The following G6PC3 variants were observed in gnomAD, a reference collection of about 807,000 sequenced individuals.
G6PC3 encodes the protein glucose-6-phosphatase catalytic subunit 3.
Under a neutral mutation model 38.6 loss-of-function variants are expected in G6PC3, and 30 were observed. That is an observed-to-expected ratio of 0.78 (90% CI 0.58 to 1.05). The LOEUF (loss-of-function observed/expected upper bound fraction) is 1.05. Ranked by LOEUF, G6PC3 falls within the 50% of genes least tolerant of loss-of-function variation. The pLI, the probability that G6PC3 is intolerant of heterozygous loss-of-function variation, is 0.00. For missense variants in G6PC3, 377 were observed against 443.1 expected (o/e 0.85, Z 1.34); for synonymous variants, 192 against 178.1 (o/e 1.08, Z -0.62).
At position 44,070,903 on chromosome 17, in the gene G6PC3, C is replaced by T. The variant is rs1275594632; in HGVS notation, c.-63C>T. On this transcript the variant is annotated 5_prime_UTR_variant, in exon 1 of 6. Coordinates refer to ENST00000269097, the MANE Select transcript of G6PC3 (RefSeq NM_138387.4). ...GGAGATCAGAGGGTCGACGCTGCTT[C>T]GTTGCCTGGACTCTGGTTTCCGCCC... 2 of 1,529,968 alleles carry T rather than the reference C, an allele frequency of 1.3e-6. No individual in the cohort carries two copies. Among genetic ancestry groups the T allele is most frequent in the Non-Finnish European group, 1.8e-6 (2 of 1,139,130 alleles). The allele number at this position is 1,529,968 out of a possible 1,614,324, so 94.8% of individuals were successfully genotyped here.
chr17:44,070,782 T>A lies in G6PC3; in HGVS notation c.-184T>A. On this transcript the variant is annotated 5_prime_UTR_variant, in exon 1 of 6. Transcript: ENST00000269097. Reference sequence around the variant, plus strand: ...GAGCGCAGGAGGAAACAGTACCGGCTGGAGGCCGGTCTTGCAGGAGCGGGG... The same window carrying A: ...GAGCGCAGGAGGAAACAGTACCGGCAGGAGGCCGGTCTTGCAGGAGCGGGG... 1.4e-6 allele frequency: 1 copy of A among 692,350 alleles called. No homozygotes were observed. Among genetic ancestry groups the A allele is most frequent in the Non-Finnish European group, 2.6e-6 (1 of 390,528 alleles). The allele number at this position is 692,350 out of a possible 1,614,324, so 42.9% of individuals were successfully genotyped here. A position where few individuals can be genotyped will look rare whatever the true frequency, so the allele number is the denominator to read the frequency against.
chr17:44,073,974 C>T, intron 1 of G6PC3, 186 bp from the exon 2 acceptor site: 1 of 679,822 alleles, frequency 1.5e-6, no homozygotes, highest in Non-Finnish European at 2.7e-6. Context: ...TGCTTTCTTT[C>T]TCCTGTTCTA....
chr17:44,075,371 TG>T lies in G6PC3; in HGVS notation c.600del (p.Leu201Ter). Reference sequence around the variant, plus strand: ...CTATGGAGCGGGAGCTAAGCTTCTATGGGTTGACTGCACTGGCCCTCATGCT... The same window carrying T: ...CTATGGAGCGGGAGCTAAGCTTCTATGGTTGACTGCACTGGCCCTCATGCT... Reference protein sequence around the residue: ...VPMERELSFYGLTALALMLGT... With the variant: ...VPMERELSFYXLTALALMLGT... On this transcript the variant is annotated frameshift_variant, in exon 5 of 6. Transcript: ENST00000269097. LOFTEE classifies it high-confidence loss of function. 1.9e-6 allele frequency: 3 copies of T among 1,614,180 alleles called. No individual in the cohort carries two copies. Among genetic ancestry groups the T allele is most frequent in the Non-Finnish European group, 2.5e-6 (3 of 1,180,010 alleles).
intron 2 of G6PC3, 85 bp downstream of exon 2, chr17:44,074,351 C>A: frequency 9.2e-7 from 1 of 1,081,572 alleles, no homozygotes; most frequent in Non-Finnish European, 1.4e-6. Flanking sequence ...CTGGGTGGCC[C>A]AACCAAAGGA....
chr17:44,071,119 C>A lies in G6PC3; in HGVS notation c.154C>A (p.Arg52Ser), dbSNP rs1404055642. The A allele has an allele frequency of 1.2e-6, 2 of 1,614,070 alleles. No individual in the cohort carries two copies. Among genetic ancestry groups the A allele is most frequent in the Admixed American group, 1.7e-5 (1 of 60,020 alleles). The change falls in exon 1 of 6, where the codon CGT (arginine) becomes AGT (serine). Residue 52 changes from arginine (R) to serine (S), a missense_variant. Physicochemically the swap from Arg to Ser is moderately radical, Grantham distance 110. Transcript: ENST00000269097. ...CCCCGCGGCCTACTACGCCTCCCGC[C>A]GTGTGGGCATCGCGGTGCTCTGGAT... Reference protein sequence around the residue: ...YFPAAYYASRRVGIAVLWISL... With the variant: ...YFPAAYYASRSVGIAVLWISL...
In G6PC3 at chr17:44,074,980, G is replaced by T. The variant is rs751648699; in HGVS notation, c.428G>T (p.Arg143Met). Residue 143 changes from arginine to methionine, a missense_variant, in exon 4 of 6, where the codon AGG becomes ATG. Transcript: ENST00000269097. ...TCTCTTCTTTCTAGCCGCTGGGTAA[G>T]GGTGATGCCTAGCCTGGCTTATTGC... ...VATRARSRWV[R>M]VMPSLAYCTF... 6.2e-7 allele frequency: 1 copy of T among 1,614,066 alleles called. No individual in the cohort carries two copies. Among genetic ancestry groups the T allele is most frequent in the East Asian group, 2.2e-5 (1 of 44,886 alleles).
chr17:44,075,623 G>C, intron 5 of G6PC3, 57 bp from the exon 6 acceptor site: 1 of 1,605,834 alleles, frequency 6.2e-7, no homozygotes, highest in Non-Finnish European at 8.5e-7. Flanking sequence ...AGATGGCCAA[G>C]AGCCAGTGGC....
intron 4 of G6PC3, 109 bp from the exon 5 acceptor site, chr17:44,075,201 C>G (rs1000581162): frequency 7.9e-6 from 12 of 1,528,452 alleles, no homozygotes; most frequent in Non-Finnish European, 9.0e-6. Context: ...AGAGGCCCCC[C>G]GTTATGTCTC....
upstream of G6PC3, chr17:44,070,731 G>A (rs1263758284): frequency 3.3e-6 from 2 of 601,218 alleles, no homozygotes; most frequent in Middle Eastern, 4.5e-4. Context: ...CCCCTGCGCT[G>A]CCCAGTAGGG....
chr17:44,074,537 C>T, intron 2 of G6PC3, 143 bp from the exon 3 acceptor site: 1 of 767,572 alleles, frequency 1.3e-6, no homozygotes, highest in South Asian at 1.5e-5. Context: ...AGTAAAAAGG[C>T]CTCAGAGCAG....
At position 44,074,768 on chromosome 17, in the gene G6PC3, C is replaced by T; in HGVS notation, c.414C>T (p.Arg138=). ...ALSSQVATRA[R]SRWVRVMPSL... The stretch of plus-strand genomic sequence containing the variant: ...CTTCGCAGGTGGCCACTCGGGCCCG[C>T]AGGTATACCCTTGGCATTGCCCACC... The change falls in exon 3 of 6, where the codon CGC becomes CGT. Residue 138 remains arginine, a splice_region_variant and synonymous_variant. Coordinates refer to ENST00000269097, the MANE Select transcript of G6PC3 (RefSeq NM_138387.4). 7 of 1,613,580 alleles carry T rather than the reference C, an allele frequency of 4.3e-6. No individual in the cohort carries two copies. The highest frequency in any genetic ancestry group is 5.9e-6 in the Non-Finnish European group (7 of 1,179,662).
intron 4 of G6PC3, 73 bp from the exon 5 acceptor site, chr17:44,075,237 T>G: frequency 8.8e-6 from 14 of 1,597,042 alleles, no homozygotes; most frequent in Non-Finnish European, 1.1e-5. Context: ...CAAGCTGCAC[T>G]GCAGCTGGGG....
chr17:44,074,620 C>A, intron 2 of G6PC3, 60 bp from the exon 3 acceptor site: 1 of 1,450,612 alleles, frequency 6.9e-7, no homozygotes, highest in Non-Finnish European at 9.7e-7. Flanking sequence ...TGAGGCATCA[C>A]CAGGGGCCCC....
intron 3 of G6PC3, 49 bp from the exon 4 acceptor site, chr17:44,074,920 C>T (rs2050054048): frequency 2.6e-6 from 4 of 1,538,970 alleles, no homozygotes; most frequent in Non-Finnish European, 3.6e-6. Flanking sequence ...TGCAGGAGGC[C>T]AAGCTGTGTA....
intron 1 of G6PC3, chr17:44,071,897 A>G (rs1198471434): frequency 5.4e-6 from 2 of 368,846 alleles, no homozygotes; most frequent in East Asian, 1.5e-4. Context: ...TTCATTCACC[A>G]GTAGACTCTT....
chr17:44,074,876 G>C, intron 3 of G6PC3, 93 bp from the exon 4 acceptor site: 1 of 1,463,560 alleles, frequency 6.8e-7, no homozygotes, highest in Non-Finnish European at 9.6e-7. Context: ...GGGGACCCTA[G>C]GTTGTGTGGT....
At position 44,070,836 on chromosome 17, in the gene G6PC3, C is replaced by CTG. The variant is rs746987575; in HGVS notation, c.-130_-129insTG. The CTG allele has an allele frequency of 9.5e-7, 1 of 1,052,966 alleles. No individual in the cohort carries two copies. Among genetic ancestry groups the CTG allele is most frequent in the South Asian group, 1.4e-5 (1 of 73,118 alleles). The allele number at this position is 1,052,966 out of a possible 1,614,324, so 65.2% of individuals were successfully genotyped here. On this transcript the variant is annotated 5_prime_UTR_variant, in exon 1 of 6. Transcript: ENST00000269097. ...TGCTGGGGGCGGGGCTTGGTGGTGA[C>CTG]CGCTGGCGGGGCGGGGCCTGGGGCT...
intron 5 of G6PC3, 87 bp downstream of exon 5, chr17:44,075,538 T>TA (rs1289166723): frequency 4.4e-6 from 7 of 1,602,750 alleles, no homozygotes; most frequent in Non-Finnish European, 3.4e-6. Context: ...TCATTATAGC[T>TA]AAAAAAGGAC....
intron 5 of G6PC3, 52 bp downstream of exon 5, chr17:44,075,503 G>C (rs997715732): frequency 6.2e-7 from 1 of 1,611,798 alleles, no homozygotes; most frequent in African/African-American, 1.3e-5. Context: ...TATCTCGCCT[G>C]CACCTAGCCT....
Sources: gnomAD v4.1 joint callset for allele counts on GRCh38, gnomAD v4.1.1 for gene constraint, MANE v1.5 for transcripts, NCBI Gene and HGNC (gene_info 2026-07-23, HGNC 2026-07-21) for gene names.